The following DNAH6 variants were observed in gnomAD, a reference collection of about 807,000 sequenced individuals.
The protein encoded by DNAH6 is dynein axonemal heavy chain 6, also known as axonemal beta dynein heavy chain 6.
Under a neutral mutation model 491.4 loss-of-function variants are expected in DNAH6, and 340 were observed. The ratio of observed to expected loss-of-function variants is 0.69; its 90% CI spans 0.63 to 0.76. The LOEUF is 0.76. Among genes scored for constraint, DNAH6 ranks in the 30% least tolerant of loss-of-function variants. The pLI is 0.00. For missense variants in DNAH6, 4,443 were observed against 4,972.2 expected (o/e 0.89, Z 3.20); for synonymous variants, 1,603 against 1,686.1 (o/e 0.95, Z 1.21).
intron 13 of DNAH6, among the ~76,000 whole-genome samples, chr2:84,578,013 A>G (rs547000504): frequency 1.3e-5 from 2 of 152,298 alleles, no homozygotes; most frequent in African/African-American, 2.4e-5. Context: ...AGCCATGACA[A>G]TGGTTTACAT....
chr2:84,651,429 C>T (rs1330403767), intron 33 of DNAH6, among the ~76,000 whole-genome samples: 3 of 152,208 alleles, frequency 2.0e-5, no homozygotes, highest in Admixed American at 2.0e-4. Context: ...GGGCTCCGCA[C>T]TCAGTGTCTG....
chr2:84,599,217 C>A (rs1395037401), intron 18 of DNAH6, among the ~76,000 whole-genome samples: 1 of 134,502 alleles, frequency 7.4e-6, no homozygotes, highest in Non-Finnish European at 1.6e-5. Flanking sequence ...TTCATATATT[C>A]TGCATAAAAG....
Position 84,649,023 on chromosome 2 carries a change from G to C in DNAH6, c.5079-4296G>C, listed in dbSNP as rs142334059. Among the ~76,000 whole-genome samples, 45 of 152,306 alleles carry C rather than the reference G, an allele frequency of 3.0e-4. 1 individual carries two copies. The highest frequency in any genetic ancestry group is 6.2e-4 in the Non-Finnish European group (42 of 68,032). On this transcript the variant is annotated intron_variant, in intron 33 of 76. Transcript: ENST00000389394. ...CAACTACCACCCTGCTCAGTCAGCA[G>C]CTATCAACATTGAGGTAAGACCCTC...
intron 47 of DNAH6, among the ~76,000 whole-genome samples, chr2:84,698,839 T>C (rs1695625527): frequency 6.6e-6 from 1 of 152,174 alleles, no homozygotes; most frequent in Admixed American, 6.5e-5. Context: ...GTGCACACCA[T>C]GGAATACTAC....
intron 45 of DNAH6, among the ~76,000 whole-genome samples, chr2:84,688,893 G>A (rs1409904263): frequency 1.3e-5 from 2 of 152,100 alleles, no homozygotes; most frequent in Non-Finnish European, 2.9e-5. Flanking sequence ...ATACATGTAC[G>A]GTATAACAAT....
chr2:84,786,424 C>CAAA (rs34307388), intron 67 of DNAH6, among the ~76,000 whole-genome samples: 9 of 88,772 alleles, frequency 1.0e-4, no homozygotes, highest in East Asian at 8.4e-4. Context: ...GACTCTGTCT[C>CAAA]AAAAAAAAAA....
chr2:84,602,872 GTTCA>G (rs1286986548), intron 18 of DNAH6, among the ~76,000 whole-genome samples: 3 of 139,998 alleles, frequency 2.1e-5, no homozygotes, highest in Non-Finnish European at 4.6e-5. Flanking sequence ...TTATCTTCAA[GTTCA>G]TTCATTCCGT....
At chr2:84,522,063 A>C (rs1676199120) in intron 2 of DNAH6, among the ~76,000 whole-genome samples, 1 of 152,164 alleles carries the variant, frequency 6.6e-6, no homozygotes, top group African/African-American at 2.4e-5. Flanking sequence ...TGCTTTGCAC[A>C]GTATGGCGAT....
chr2:84,484,276 T>A, the DNAH6 span, among the ~76,000 whole-genome samples: 1 of 152,128 alleles, frequency 6.6e-6, no homozygotes, highest in South Asian at 2.1e-4. Flanking sequence ...CAATCTGCCA[T>A]CTTCTCTCCA....
At chr2:84,570,942 A>G (rs532806670) in intron 11 of DNAH6, among the ~76,000 whole-genome samples, 1 of 152,266 alleles carries the variant, frequency 6.6e-6, no homozygotes, top group South Asian at 2.1e-4. Flanking sequence ...TGGGAGGAAC[A>G]AACAACTCCG....
At chr2:84,564,462 A>T (rs553051335) in intron 11 of DNAH6, among the ~76,000 whole-genome samples, 1 of 152,120 alleles carries the variant, frequency 6.6e-6, no homozygotes, top group Admixed American at 6.5e-5. Flanking sequence ...CATAAATGGG[A>T]TTGAGTTATT....
At position 84,604,359 on chromosome 2, in the gene DNAH6, G is replaced by T. The variant is rs1311980750; in HGVS notation, c.2889G>T (p.Leu963Phe). The T allele has an allele frequency of 5.8e-6, 9 of 1,552,032 alleles. No individual in the cohort carries two copies. Among genetic ancestry groups the T allele is most frequent in the Non-Finnish European group, 7.8e-6 (9 of 1,147,062 alleles). Residue 963 changes from leucine to phenylalanine, a missense_variant, in exon 19 of 77, where the codon TTG becomes TTT. By Grantham distance (22) the Leu-to-Phe change is conservative (BLOSUM62 0). Coordinates refer to ENST00000389394, the MANE Select transcript of DNAH6 (RefSeq NM_001370.2). ...MKEKLPVIID[L>F]RNPTLKARHW... is the part of the protein sequence containing the mutation. ...TTCAGCTTCCAGTTATCATTGACTT[G>T]AGGAACCCGACTTTGAAGGCAAGAC... is the stretch of plus-strand genomic sequence containing the variant.
chr2:84,786,155 G>C lies in DNAH6; in HGVS notation c.11100+399G>C, dbSNP rs1435051281. On this transcript the variant is annotated intron_variant, in intron 67 of 76. Coordinates refer to ENST00000389394, the MANE Select transcript of DNAH6 (RefSeq NM_001370.2). ...GAATGAATGAATCAGACTGTGCACAGTGGCTCATCCTTGTAATCCCAACAT... is the reference window on the plus strand; with the variant it reads ...GAATGAATGAATCAGACTGTGCACACTGGCTCATCCTTGTAATCCCAACAT... Among the ~76,000 whole-genome samples the C allele has an allele frequency of 2.0e-5, 3 of 151,678 alleles. No individual in the cohort carries two copies. The East Asian group carries it at 5.8e-4, about 29-fold the overall frequency.
At chr2:84,762,698 G>A in intron 63 of DNAH6, 57 bp from the exon 64 acceptor site, 2 of 1,313,100 alleles carry the variant, frequency 1.5e-6, no homozygotes, top group South Asian at 2.7e-5. Context: ...AGAAAATTAG[G>A]ATAAAATTAT....
intron 50 of DNAH6, 115 bp downstream of exon 50, chr2:84,703,677 A>G: frequency 1.0e-6 from 1 of 1,001,240 alleles, no homozygotes; most frequent in Non-Finnish European, 1.4e-6. Flanking sequence ...TAATTAAGTG[A>G]TAGATTTAGC....
intron 11 of DNAH6, among the ~76,000 whole-genome samples, chr2:84,571,640 G>T (rs909447132): frequency 6.6e-6 from 1 of 151,942 alleles, no homozygotes; most frequent in Non-Finnish European, 1.5e-5. Context: ...CCATCCAGGC[G>T]CAGTGGCTCA....
In DNAH6 at chr2:84,548,279, TA is replaced by T. The variant is rs1678989356; in HGVS notation, c.1187-8del. ...GTACACTTGTTGTTGTTCCTTCTGT[TA>T]TTCTTAGATTATCATAAAGTGCAGA... is the stretch of plus-strand genomic sequence containing the variant. On this transcript the variant is annotated splice_region_variant and splice_polypyrimidine_tract_variant and intron_variant, in intron 7 of 76. Coordinates refer to ENST00000389394, the MANE Select transcript of DNAH6 (RefSeq NM_001370.2). 2 of 1,604,900 alleles carry T rather than the reference TA, an allele frequency of 1.2e-6. No individual in the cohort carries two copies.
chr2:84,480,940 G>A, the DNAH6 span, among the ~76,000 whole-genome samples: 6 of 151,726 alleles, frequency 4.0e-5, no homozygotes, highest in Non-Finnish European at 8.8e-5. Flanking sequence ...TCCAGCCTGG[G>A]TGCCAGAGCA....
intron 16 of DNAH6, among the ~76,000 whole-genome samples, chr2:84,593,485 G>A (rs1049267059): frequency 1.3e-5 from 2 of 152,142 alleles, no homozygotes; most frequent in African/African-American, 4.8e-5. Flanking sequence ...TTCATATAAA[G>A]TCGTGGTTAG....
Sources: gnomAD v4.1 joint callset for allele counts (sites outside exome capture counted in the v4.1 genomes callset) on GRCh38, gnomAD v4.1.1 for gene constraint, MANE v1.5 for transcripts, NCBI Gene and HGNC (gene_info 2026-07-23, HGNC 2026-07-21) for gene names.